Variants in SYTL3 observed in about 807,000 individuals in gnomAD.
SYTL3 encodes synaptotagmin-like protein 3.
A neutral mutation model predicts 82.1 loss-of-function variants in SYTL3; 88 were observed. The ratio of observed to expected loss-of-function variants is 1.07; its 90% CI spans 0.90 to 1.28. The LOEUF (loss-of-function observed/expected upper bound fraction) is 1.28. Ranked by LOEUF, SYTL3 falls within the 50% of genes most tolerant of loss-of-function variation. The pLI, the probability that SYTL3 is intolerant of heterozygous loss-of-function variation, is 0.00. For missense variants in SYTL3, 831 were observed against 757.6 expected (o/e 1.10, Z -1.14); for synonymous variants, 311 against 289.4 (o/e 1.07, Z -0.76).
At chr6:158,666,761 G>A (rs1790108049) in intron 5 of SYTL3, among the ~76,000 whole-genome samples, 1 of 152,160 alleles carries the variant, frequency 6.6e-6, no homozygotes, top group African/African-American at 2.4e-5. Flanking sequence ...CGCACGCCCT[G>A]GCATTCATTT....
intron 5 of SYTL3, among the ~76,000 whole-genome samples, chr6:158,668,674 T>C (rs1167488744): frequency 6.6e-6 from 1 of 151,702 alleles, no homozygotes; most frequent in Non-Finnish European, 1.5e-5. Context: ...AAGGTAAAGG[T>C]AAAAGAGCAA....
chr6:158,718,883 GCTGGACAGAA>G (rs1304861080), intron 10 of SYTL3, among the ~76,000 whole-genome samples: 1 of 152,200 alleles, frequency 6.6e-6, no homozygotes, highest in Admixed American at 6.5e-5. Flanking sequence ...GCCCTGGTAG[GCTGGACAGAA>G]CTGGTGTCCC....
chr6:158,713,683 ACACT>A, intron 8 of SYTL3, 113 bp from the exon 9 acceptor site: 1 of 744,952 alleles, frequency 1.3e-6, no homozygotes, highest in East Asian at 2.7e-5. Context: ...CACCACGCCC[ACACT>A]CACTCGCACA....
intron 5 of SYTL3, among the ~76,000 whole-genome samples, chr6:158,678,001 C>T (rs1731137389): frequency 6.6e-6 from 1 of 152,148 alleles, no homozygotes; most frequent in African/African-American, 2.4e-5. Flanking sequence ...GCAGTCCTCC[C>T]ACTTCAGCCT....
rs547249921 is a variant in SYTL3, at chr6:158,711,544, A to G, written c.517-2256A>G. On this transcript the variant is annotated intron_variant, in intron 8 of 17. Coordinates refer to ENST00000611299, the MANE Select transcript of SYTL3 (RefSeq NM_001242394.2). ...CCAGGAAAGCTGATGGTGTTGTTACAGGAAACAGACCCCAAGAAACGGTTC... is the reference window on the plus strand; with the variant it reads ...CCAGGAAAGCTGATGGTGTTGTTACGGGAAACAGACCCCAAGAAACGGTTC... Among the ~76,000 whole-genome samples the G allele has an allele frequency of 6.6e-5, 10 of 152,306 alleles. No individual in the cohort carries two copies. In the East Asian group the frequency reaches 1.9e-3, roughly 29 times the overall value.
chr6:158,701,818 C>T (rs1219892175), intron 6 of SYTL3, among the ~76,000 whole-genome samples: 3 of 151,976 alleles, frequency 2.0e-5, no homozygotes, highest in Non-Finnish European at 2.9e-5. Flanking sequence ...TCAGTGGGGC[C>T]ATGCTTCCTC....
chr6:158,653,887 G>C lies in SYTL3; in HGVS notation c.-637+2045G>C, dbSNP rs1451892047. Among the ~76,000 whole-genome samples the C allele has an allele frequency of 4.6e-5, 7 of 152,236 alleles. No individual in the cohort carries two copies. The South Asian group carries it at 8.3e-4, about 18-fold the overall frequency. ...ATTTATTTCCTTTGATCTGATGACT[G>C]ACTGCTCAGAGACAATAGATGATTG... On this transcript the variant is annotated intron_variant, in intron 2 of 17. Transcript: ENST00000611299.
intron 11 of SYTL3, among the ~76,000 whole-genome samples, chr6:158,734,663 C>G (rs1031771598): frequency 2.0e-5 from 3 of 152,098 alleles, no homozygotes; most frequent in Admixed American, 6.6e-5. Flanking sequence ...CCCACCTGCT[C>G]TATGTTAATC....
chr6:158,733,227 CGCA>C (rs1257021134), intron 11 of SYTL3, among the ~76,000 whole-genome samples: 1 of 152,184 alleles, frequency 6.6e-6, no homozygotes, highest in Non-Finnish European at 1.5e-5. Flanking sequence ...ACATACAGCT[CGCA>C]GCCTATGCCC....
intron 11 of SYTL3, among the ~76,000 whole-genome samples, chr6:158,727,102 G>A (rs547141107): frequency 5.9e-5 from 9 of 151,770 alleles, no homozygotes; most frequent in Non-Finnish European, 8.8e-5. Flanking sequence ...CACGTGCCTC[G>A]GCCTCCCAAA....
In SYTL3 at chr6:158,762,127, C is replaced by T. The variant is rs538904534; in HGVS notation, c.1466C>T (p.Ala489Val). The T allele has an allele frequency of 6.8e-6, 11 of 1,613,900 alleles. No individual in the cohort carries two copies. The highest frequency in any genetic ancestry group is 1.3e-5 in the African/African-American group (1 of 74,944). ...CAACTTTGTTTGGTAGTGCTAGGAG[C>T]CAAGAATTTACCTGTGCGGCCAGAT... ...HGQLCLVVLG[A>V]KNLPVRPDGT... The change falls in exon 16 of 18, where the codon GCC becomes GTC. Residue 489 changes from alanine (A) to valine (V), a missense_variant. Transcript: ENST00000611299.
chr6:158,672,715 T>C (rs1266413504), intron 5 of SYTL3, among the ~76,000 whole-genome samples: 1 of 152,012 alleles, frequency 6.6e-6, no homozygotes, highest in East Asian at 1.9e-4. Flanking sequence ...CACTGCAACC[T>C]CCGCCTCCTG....
At position 158,697,354 on chromosome 6, in the gene SYTL3, G is replaced by A. The variant is rs182288046; in HGVS notation, c.395-9876G>A. ...GGTCCCAGCTACTTGGGAGGCTGAG[G>A]TGGGAGGATCATTTGAATCTATGGT... is the stretch of plus-strand genomic sequence containing the variant. On this transcript the variant is annotated intron_variant, in intron 6 of 17. Coordinates refer to ENST00000611299, the MANE Select transcript of SYTL3 (RefSeq NM_001242394.2). 9.7e-4 allele frequency among the ~76,000 whole-genome samples: 146 copies of A among 149,908 alleles called. 1 individual carries two copies. The highest frequency in any genetic ancestry group is 3.2e-3 in the African/African-American group (127 of 39,604).
intron 2 of SYTL3, among the ~76,000 whole-genome samples, chr6:158,657,506 A>G (rs1423210617): frequency 6.6e-6 from 1 of 152,074 alleles, no homozygotes; most frequent in Non-Finnish European, 1.5e-5. Flanking sequence ...AACTTTATGA[A>G]AAAACAAAAC....
intron 13 of SYTL3, 105 bp from the exon 14 acceptor site, chr6:158,757,106 C>T (rs1256765220): frequency 1.7e-6 from 2 of 1,189,566 alleles, no homozygotes; most frequent in South Asian, 3.0e-5. Flanking sequence ...GAGGCCTGCG[C>T]CAGGCCCCGG....
At chr6:158,737,437 T>G (rs1786329747) in intron 11 of SYTL3, among the ~76,000 whole-genome samples, 1 of 152,202 alleles carries the variant, frequency 6.6e-6, no homozygotes, top group Non-Finnish European at 1.5e-5. Flanking sequence ...TCTGCCCTTG[T>G]GAAATAAAAG....
chr6:158,695,663 A>G (rs1780482440), intron 6 of SYTL3, among the ~76,000 whole-genome samples: 1 of 152,190 alleles, frequency 6.6e-6, no homozygotes, highest in Admixed American at 6.6e-5. Flanking sequence ...TCATTCTGCT[A>G]TATTGAAACC....
chr6:158,746,161 G>A (rs1240874342), intron 12 of SYTL3, among the ~76,000 whole-genome samples: 1 of 151,884 alleles, frequency 6.6e-6, no homozygotes, highest in African/African-American at 2.4e-5. Context: ...GTTCATGAGG[G>A]CTGCACCCTC....
At chr6:158,697,787 G>A (rs554658105) in intron 6 of SYTL3, among the ~76,000 whole-genome samples, 2 of 152,158 alleles carry the variant, frequency 1.3e-5, no homozygotes, top group African/African-American at 4.8e-5. Context: ...AGTCACCCTC[G>A]GCCTTGAGTG....
Sources: allele counts gnomAD v4.1 joint callset (sites outside exome capture counted in the v4.1 genomes callset), GRCh38; gene constraint gnomAD v4.1.1; transcripts MANE v1.5; gene names NCBI Gene and HGNC (gene_info 2026-07-23, HGNC 2026-07-21).